MED8: variants seen among roughly 807,000 people sequenced by gnomAD.
The protein encoded by MED8 is mediator of RNA polymerase II transcription subunit 8.
MED8 carries 22 observed loss-of-function variants against 34.8 expected under a neutral mutation model. The ratio of observed to expected loss-of-function variants is 0.63; its 90% CI spans 0.45 to 0.90. The LOEUF is 0.90. MED8 is among the 40% of genes least tolerant of loss of function. The probability of loss-of-function intolerance (pLI) is 0.00; values close to 1 mark genes in which losing one functional copy is unlikely to be tolerated. For synonymous variants in MED8, 105 were observed against 120.2 expected (o/e 0.87, Z 0.83); for missense variants, 260 against 326.3 (o/e 0.80, Z 1.57).
At chr1:43,387,438 C>T (rs1647772378) in intron 3 of MED8, 65 bp downstream of exon 3, 2 of 1,558,870 alleles carry the variant, frequency 1.3e-6, no homozygotes, top group East Asian at 4.6e-5. Flanking sequence ...CTTAATTTCC[C>T]TAAATACTAA....
At position 43,386,236 on chromosome 1, in the gene MED8, A is replaced by T. The variant is rs1395498562; in HGVS notation, c.494-10T>A. On this transcript the variant is annotated splice_polypyrimidine_tract_variant and intron_variant, in intron 5 of 6. Transcript: ENST00000372457. The surrounding 1 kb of genome is among the most constrained non-coding windows in gnomAD (Gnocchi z 4.9). ...TTGTTCGGCCGGAGACCTGAAGAAA[A>T]AGTAATGGGGATCCTGAAGTATGCT... The T allele has an allele frequency of 1.9e-6, 3 of 1,610,306 alleles. No individual in the cohort carries two copies. The highest frequency in any genetic ancestry group is 1.1e-5 in the South Asian group (1 of 90,986).
Position 43,384,683 on chromosome 1 carries a change from A to G in MED8, c.*359T>C. The G allele has an allele frequency of 6.9e-7, 1 of 1,456,646 alleles. No homozygotes were observed. Among genetic ancestry groups the G allele is most frequent in the Non-Finnish European group, 9.0e-7 (1 of 1,105,670 alleles). The allele number at this position is 1,456,646 out of a possible 1,614,324, so 90.2% of individuals were successfully genotyped here. A position where few individuals can be genotyped will look rare whatever the true frequency, so the allele number is the denominator to read the frequency against. On this transcript the variant is annotated 3_prime_UTR_variant, in exon 7 of 7. Coordinates refer to ENST00000372457, the MANE Select transcript of MED8 (RefSeq NM_201542.5). ...CGTGAGGCAGTATCAGATTAGGGTA[A>G]GTTCTGGATCAAGGACTGTGGAGGG...
At chr1:43,389,710 C>T (rs1648003252) in intron 1 of MED8, 49 bp downstream of exon 1, 2 of 1,602,106 alleles carry the variant, frequency 1.2e-6, no homozygotes, top group Non-Finnish European at 1.7e-6. Flanking sequence ...ACTCTCGGTC[C>T]CTGTACCCGA....
rs536960922 is a variant in MED8 at position 43,386,017 on chromosome 1, T to C, written c.703A>G (p.Met235Val). The C allele has an allele frequency of 1.9e-6, 3 of 1,614,038 alleles. No individual in the cohort carries two copies. Among genetic ancestry groups the C allele is most frequent in the Admixed American group, 1.7e-5 (1 of 60,024 alleles). Residue 235 changes from methionine to valine, a missense_variant, in exon 6 of 7, where the codon ATG becomes GTG. Coordinates refer to ENST00000372457, the MANE Select transcript of MED8 (RefSeq NM_201542.5). This position sits in a 1 kb window ranked among gnomAD's most constrained non-coding sequence, Gnocchi z 4.9. ...MAGAPSQQQP[M>V]LSGVQMAQAG... is the part of the protein sequence containing the mutation. ...TGAGCCATTTGTACCCCACTGAGCA[T>C]TGGCTGCTGCTGGCTTGGAGCTCCT...
In MED8 at chr1:43,386,929, C is replaced by T; in HGVS notation, c.340G>A (p.Asp114Asn). The T allele has an allele frequency of 6.2e-7, 1 of 1,614,038 alleles. No homozygotes were observed. Among genetic ancestry groups the T allele is most frequent in the Non-Finnish European group, 8.5e-7 (1 of 1,179,904 alleles). The part of the protein sequence containing the change: ...VVPDHLRTKP[D>N]PEVEEQEKQL... ...TTCTCCTGTTCTTCCACTTCAGGGT[C>T]AGGCTTGGTTCTCAGATGGTCAGGG... Residue 114 changes from aspartate to asparagine, a missense_variant, in exon 4 of 7, where the codon GAC (aspartate) becomes AAC (asparagine). Asp to Asn is a conservative substitution (Grantham distance 23). Transcript: ENST00000372457. The surrounding 1 kb of genome is among the most constrained non-coding windows in gnomAD (Gnocchi z 4.9).
Position 43,386,141 on chromosome 1 carries a change from A to C in MED8, c.579T>G (p.Asn193Lys). ...AAVAFGKGLSNWRPSGSSGPG... is the reference protein window; with the variant it reads ...AAVAFGKGLSKWRPSGSSGPG... ...GACCACTGCTGCCTGAAGGTCTCCA[A>C]TTAGATAGTCCTTTCCCAAAGGCAA... The change falls in exon 6 of 7, where the codon AAT becomes AAG. Residue 193 changes from asparagine to lysine, a missense_variant. Asn to Lys is a moderately conservative substitution (Grantham distance 94). Transcript: ENST00000372457. This position sits in a 1 kb window ranked among gnomAD's most constrained non-coding sequence, Gnocchi z 4.9. 1.2e-6 allele frequency: 2 copies of C among 1,614,030 alleles called. No homozygotes were observed. The highest frequency in any genetic ancestry group is 1.7e-6 in the Non-Finnish European group (2 of 1,179,890).
Position 43,384,811 on chromosome 1 carries a change from A to G in MED8, c.*231T>C, listed in dbSNP as rs750829469. Reference sequence around the variant, plus strand: ...TTCATTTCCTCATTTTAATCCTCACAACAACCCTATGAGGTAGGTATTATC... The same window carrying G: ...TTCATTTCCTCATTTTAATCCTCACGACAACCCTATGAGGTAGGTATTATC... On this transcript the variant is annotated 3_prime_UTR_variant, in exon 7 of 7. Transcript: ENST00000372457. 36 of 1,392,344 alleles carry G rather than the reference A, an allele frequency of 2.6e-5. No individual in the cohort carries two copies. Among genetic ancestry groups the G allele is most frequent in the Admixed American group, 1.2e-4 (4 of 32,086 alleles). 86.2% of individuals were successfully genotyped at this position (1,392,344 alleles called of 1,614,324 possible).
Position 43,386,260 on chromosome 1 carries a change from C to A in MED8, c.494-34G>T. 6.2e-7 allele frequency: 1 copy of A among 1,601,354 alleles called. No homozygotes were observed. The highest frequency in any genetic ancestry group is 8.5e-7 in the Non-Finnish European group (1 of 1,176,086). ...AAAGTAATGGGGATCCTGAAGTATG[C>A]TTCTGATGCAGGACTGAACGTGGCA... is the stretch of plus-strand genomic sequence containing the variant. On this transcript the variant is annotated intron_variant, in intron 5 of 6. Coordinates refer to ENST00000372457, the MANE Select transcript of MED8 (RefSeq NM_201542.5). The surrounding 1 kb of genome is among the most constrained non-coding windows in gnomAD (Gnocchi z 4.9).
chr1:43,385,022 G>A lies in MED8; in HGVS notation c.*20C>T. On this transcript the variant is annotated 3_prime_UTR_variant, in exon 7 of 7. Transcript: ENST00000372457. ...CCAACTCTGCAAAGAGCACCAGGGA[G>A]TCGAGGTTGCCAGCCACACTCACCG... The A allele has an allele frequency of 1.3e-6, 2 of 1,553,584 alleles. No homozygotes were observed. The highest frequency in any genetic ancestry group is 1.7e-6 in the Non-Finnish European group (2 of 1,148,082).
chr1:43,389,548 C>T lies in MED8; in HGVS notation c.6+211G>A, dbSNP rs1003754517. 3.3e-5 allele frequency among the ~76,000 whole-genome samples: 5 copies of T among 152,264 alleles called. No individual in the cohort carries two copies. In the East Asian group the frequency reaches 7.7e-4, roughly 24 times the overall value. On this transcript the variant is annotated intron_variant, in intron 1 of 6. Coordinates refer to ENST00000372457, the MANE Select transcript of MED8 (RefSeq NM_201542.5). ...CTGCCTCCTCCCTCCGGATTTAGCC[C>T]GACTGTCTCCTGTCAGGCAAGCTCC...
intron 1 of MED8, 197 bp from the exon 2 acceptor site, chr1:43,388,625 T>A: frequency 1.2e-6 from 1 of 804,408 alleles, no homozygotes. Flanking sequence ...CCAACCTGTT[T>A]GCCTGACCCC....
Position 43,384,418 on chromosome 1 carries a change from T to C in MED8, c.*624A>G. ...GACAGGTAAAAGCCAAGTTGGCTCC[T>C]TAGAGGATGGAAAGGAGAGCAGGCC... On this transcript the variant is annotated 3_prime_UTR_variant, in exon 7 of 7. Transcript: ENST00000372457. 6.4e-7 allele frequency: 1 copy of C among 1,565,068 alleles called. No individual in the cohort carries two copies.
At chr1:43,385,457 CT>C in intron 6 of MED8, 1 of 246,910 alleles carries the variant, frequency 4.1e-6, no homozygotes, top group Non-Finnish European at 7.9e-6. Flanking sequence ...TTAATTGTCC[CT>C]TTTCCTAGAC....
Position 43,387,545 on chromosome 1 carries a change from G to A in MED8, c.228C>T (p.Ile76=), listed in dbSNP as rs1172781801. 1 of 1,614,058 alleles carries A rather than the reference G, an allele frequency of 6.2e-7. No individual in the cohort carries two copies. The highest frequency in any genetic ancestry group is 8.5e-7 in the Non-Finnish European group (1 of 1,179,902). The change falls in exon 3 of 7, where the codon ATC becomes ATT. Residue 76 remains isoleucine (I), a synonymous_variant. Coordinates refer to ENST00000372457, the MANE Select transcript of MED8 (RefSeq NM_201542.5). ...EKTPLFRNQV[I]IPLVLSPDRD... is the part of the protein sequence containing the mutation. ...GGTCTGGAGACAACACCAGAGGAAT[G>A]ATGACCTGGTTACGGAACAGCGGTG...
intron 3 of MED8, 40 bp downstream of exon 3, chr1:43,387,463 C>T: frequency 1.2e-6 from 2 of 1,604,580 alleles, no homozygotes; most frequent in Non-Finnish European, 1.7e-6. Context: ...GCCTAAAAAA[C>T]CCCTTAATTT....
At chr1:43,389,200 C>T (rs1177296854) in intron 1 of MED8, 1 of 153,810 alleles carries the variant, frequency 6.5e-6, no homozygotes, top group Admixed American at 6.5e-5. Context: ...ATTTCTTCAC[C>T]CTTAACAACT....
At chr1:43,385,742 T>A (rs1647704890) in intron 6 of MED8, 1 of 565,548 alleles carries the variant, frequency 1.8e-6, no homozygotes, top group African/African-American at 1.9e-5. Flanking sequence ...AGATGTGAGA[T>A]GCGGATGAGA....
intron 6 of MED8, chr1:43,385,700 G>A: frequency 2.2e-6 from 1 of 459,914 alleles, no homozygotes; most frequent in Non-Finnish European, 4.0e-6. Context: ...TCTAATACCA[G>A]AATAAATGGG....
chr1:43,386,276 G>C lies in MED8; in HGVS notation c.494-50C>G, dbSNP rs1426030267. On this transcript the variant is annotated intron_variant, in intron 5 of 6. Coordinates refer to ENST00000372457, the MANE Select transcript of MED8 (RefSeq NM_201542.5). This position sits in a 1 kb window ranked among gnomAD's most constrained non-coding sequence, Gnocchi z 4.9. ...TGAAGTATGCTTCTGATGCAGGACT[G>C]AACGTGGCAGCTGGAAGACCAGTAT... 1 of 1,581,284 alleles carries C rather than the reference G, an allele frequency of 6.3e-7. No individual in the cohort carries two copies. The highest frequency in any genetic ancestry group is 8.6e-7 in the Non-Finnish European group (1 of 1,167,012).
Sources: gnomAD v4.1 joint callset for allele counts (sites outside exome capture counted in the v4.1 genomes callset) on GRCh38, gnomAD v4.1.1 for gene constraint, Gnocchi (gnomAD v3.1) non-coding constraint, MANE v1.5 for transcripts, NCBI Gene and HGNC (gene_info 2026-07-23, HGNC 2026-07-21) for gene names.